The following ARMC12 variants were observed in gnomAD, a reference collection of about 807,000 sequenced individuals.
ARMC12 encodes the protein armadillo repeat-containing protein 12.
A neutral mutation model predicts 37.4 loss-of-function variants in ARMC12; 25 were observed. The observed-to-expected ratio is 0.67, with a 90% CI of 0.49 to 0.93. ARMC12 has a LOEUF of 0.93. Among genes scored for constraint, ARMC12 ranks in the 40% least tolerant of loss-of-function variants. The pLI, the probability that ARMC12 is intolerant of heterozygous loss-of-function variation, is 0.00. For synonymous variants in ARMC12, 167 were observed against 176.1 expected, an observed-to-expected ratio of 0.95 and a Z score of 0.41; for missense variants, 384 against 426.6, an observed-to-expected ratio of 0.90 and a Z score of 0.88.
Position 35,737,490 on chromosome 6 carries a change from C to G in ARMC12, c.163+219C>G, listed in dbSNP as rs936639708. The G allele has an allele frequency of 9.6e-6, 13 of 1,358,396 alleles. No individual in the cohort carries two copies. In the African/African-American group the frequency reaches 1.6e-4, roughly 17 times the overall value. 84.1% of individuals were successfully genotyped at this position (1,358,396 alleles called of 1,614,324 possible). On this transcript the variant is annotated intron_variant, in intron 1 of 5. Coordinates refer to ENST00000373866, the MANE Select transcript of ARMC12 (RefSeq NM_001286574.2). ...GATCTCACTCAAGTGGATCCTCAGA[C>G]TCATCTGGCAGGTCTCCAAATACTA...
upstream of ARMC12, among the ~76,000 whole-genome samples, chr6:35,734,911 A>C (rs1043498639): frequency 7.9e-5 from 12 of 152,060 alleles, no homozygotes; most frequent in African/African-American, 2.7e-4. Context: ...TTTTTGTTGT[A>C]CTGTGGACTA....
chr6:35,736,791 A>G (rs374287457), upstream of ARMC12: 40 of 333,366 alleles, frequency 1.2e-4, no homozygotes, highest in East Asian at 2.1e-3. Context: ...TGTATTTTTA[A>G]TAGAGACAAG....
In ARMC12 at chr6:35,737,179, G is replaced by A. The variant is rs752806580; in HGVS notation, c.71G>A (p.Gly24Asp). 1.9e-6 allele frequency: 3 copies of A among 1,614,240 alleles called. No individual in the cohort carries two copies. In the South Asian group the frequency reaches 3.3e-5, roughly 18 times the overall value. ...IRKSVVSLAT[G>D]AGAIYLLYKA... ...AAAAGCGTAGTCAGCCTGGCCACAG[G>A]CGCCGGGGCGATCTACCTGCTCTAC... Residue 24 changes from glycine (G) to aspartate (D), a missense_variant, in exon 1 of 6, where the codon GGC becomes GAC. By Grantham distance (94) the Gly-to-Asp change is moderately conservative. Transcript: ENST00000373866.
At chr6:35,737,352 G>A in intron 1 of ARMC12, 81 bp downstream of exon 1, 2 of 1,614,052 alleles carry the variant, frequency 1.2e-6, no homozygotes, top group Non-Finnish European at 1.7e-6. Context: ...AGGGCCCAAA[G>A]GTGATGCCTC....
Position 35,749,002 on chromosome 6 carries a change from A to G in ARMC12, c.*132A>G. 1 of 884,600 alleles carries G rather than the reference A, an allele frequency of 1.1e-6. No homozygotes were observed. The highest frequency in any genetic ancestry group is 1.9e-5 in the South Asian group (1 of 52,968). The allele number at this position is 884,600 out of a possible 1,614,324, so 54.8% of individuals were successfully genotyped here. The stretch of plus-strand genomic sequence containing the variant: ...TAACCTCTGCTCCAGAGTGTGGTAC[A>G]GCATGGGCTTATCTCTCAAAACACA... On this transcript the variant is annotated 3_prime_UTR_variant, in exon 6 of 6. Transcript: ENST00000373866.
intron 3 of ARMC12, 122 bp from the exon 4 acceptor site, chr6:35,747,139 G>A: frequency 9.5e-7 from 1 of 1,056,504 alleles, no homozygotes; most frequent in Non-Finnish European, 1.3e-6. Context: ...TGAGAGTTAG[G>A]GAGAATTGTC....
At chr6:35,738,281 A>T in intron 2 of ARMC12, 103 bp from the exon 3 acceptor site, 2 of 485,836 alleles carry the variant, frequency 4.1e-6, no homozygotes, top group Non-Finnish European at 6.0e-6. Flanking sequence ...TCTGGCTGAT[A>T]GCGGTGGGGG....
Position 35,738,375 on chromosome 6 carries a change from A to G in ARMC12, c.310-9A>G, listed in dbSNP as rs761392218. On this transcript the variant is annotated splice_polypyrimidine_tract_variant and intron_variant, in intron 2 of 5. Transcript: ENST00000373866. ...CTCCTGCCTCTTCCATCTCTCCCCA[A>G]TACTCCAGGCCTCTGCTTGTACTAC... The G allele has an allele frequency of 8.7e-6, 14 of 1,612,406 alleles. No homozygotes were observed. Among genetic ancestry groups the G allele is most frequent in the Admixed American group, 1.7e-5 (1 of 59,814 alleles).
Position 35,738,771 on chromosome 6 carries a change from C to G in ARMC12, c.444+253C>G, listed in dbSNP as rs1316257890. On this transcript the variant is annotated intron_variant, in intron 3 of 5. Transcript: ENST00000373866. The stretch of plus-strand genomic sequence containing the variant: ...AAGGACCCCCACTACCCCACAAGCT[C>G]CCTACCACTGCCACGTTTTTTCTGA... 3.9e-5 allele frequency among the ~76,000 whole-genome samples: 6 copies of G among 152,256 alleles called. No homozygotes were observed. In the East Asian group the frequency reaches 1.2e-3, roughly 29 times the overall value.
chr6:35,734,264 A>G (rs1485760132), upstream of ARMC12, among the ~76,000 whole-genome samples: 1 of 152,062 alleles, frequency 6.6e-6, no homozygotes, highest in Non-Finnish European at 1.5e-5. Context: ...GGTTCAGGCA[A>G]TCCTACCGCC....
Position 35,738,053 on chromosome 6 carries a change from G to A in ARMC12, c.190G>A (p.Gly64Arg), listed in dbSNP as rs1456292340. 3.1e-6 allele frequency: 5 copies of A among 1,613,836 alleles called. No homozygotes were observed. The highest frequency in any genetic ancestry group is 2.2e-5 in the East Asian group (1 of 44,878). Residue 64 changes from glycine to arginine, a missense_variant, in exon 2 of 6, where the codon GGG (glycine) becomes AGG (arginine). Transcript: ENST00000373866. ...CCTGGCAGTCGAGCGAGAGCGGCAC[G>A]GGCGGGACTCAGGTGAGCTCCGGAG... ...ARLAVERERH[G>R]RDSGELRRLL...
At chr6:35,745,773 C>T (rs548386485) in intron 3 of ARMC12, among the ~76,000 whole-genome samples, 11 of 152,278 alleles carry the variant, frequency 7.2e-5, no homozygotes, top group East Asian at 1.9e-4. Flanking sequence ...AGGCCGGGCG[C>T]GGAGGCTCAG....
chr6:35,732,540 G>A (rs1479533411), upstream of ARMC12, among the ~76,000 whole-genome samples: 1 of 152,212 alleles, frequency 6.6e-6, no homozygotes, highest in Non-Finnish European at 1.5e-5. Flanking sequence ...TTAGGGTAGG[G>A]TAATTTCCCC....
chr6:35,747,279 C>T lies in ARMC12; in HGVS notation c.463C>T (p.Leu155Phe), dbSNP rs748483610. ...LKIQEHSIKV[L>F]ELISTIWDTE... ...ACTCCAGGAACACTCCATCAAAGTACTCGAACTGATCTCCACCATCTGGGA... is the reference window on the plus strand; with the variant it reads ...ACTCCAGGAACACTCCATCAAAGTATTCGAACTGATCTCCACCATCTGGGA... Residue 155 changes from leucine (L) to phenylalanine (F), a missense_variant, in exon 4 of 6, where the codon CTC becomes TTC. Physicochemically the swap from Leu to Phe is conservative, Grantham distance 22. Transcript: ENST00000373866. The T allele has an allele frequency of 1.2e-6, 2 of 1,612,388 alleles. No homozygotes were observed. Among genetic ancestry groups the T allele is most frequent in the East Asian group, 4.5e-5 (2 of 44,864 alleles).
chr6:35,743,503 C>T (rs1767241360), intron 3 of ARMC12, among the ~76,000 whole-genome samples: 1 of 152,204 alleles, frequency 6.6e-6, no homozygotes, highest in African/African-American at 2.4e-5. Context: ...AAGGCGTGAG[C>T]CACTGCGTCC....
upstream of ARMC12, among the ~76,000 whole-genome samples, chr6:35,734,873 A>T (rs1227210391): frequency 6.6e-6 from 1 of 152,210 alleles, no homozygotes; most frequent in Non-Finnish European, 1.5e-5. Context: ...CTTTATGCCA[A>T]CAAATAGACA....
At chr6:35,736,305 C>T (rs1481401165), upstream of ARMC12, among the ~76,000 whole-genome samples, 1 of 152,114 alleles carries the variant, frequency 6.6e-6, no homozygotes, top group African/African-American at 2.4e-5. Flanking sequence ...GGAGGGAACC[C>T]TACCTGAAGA....
chr6:35,747,724 A>G, intron 5 of ARMC12, 77 bp downstream of exon 5: 1 of 1,444,276 alleles, frequency 6.9e-7, no homozygotes, highest in East Asian at 2.3e-5. Flanking sequence ...GCATCTCCAG[A>G]CAGATTTACC....
Position 35,749,039 on chromosome 6 carries a change from A to G in ARMC12, c.*169A>G, listed in dbSNP as rs115869154. 0.012 allele frequency: 7,274 copies of G among 602,504 alleles called. 317 individuals carry two copies. Among genetic ancestry groups the G allele is most frequent in the African/African-American group, 0.1 (5,197 of 51,978 alleles). 37.3% of individuals were successfully genotyped at this position (602,504 alleles called of 1,614,324 possible). On this transcript the variant is annotated 3_prime_UTR_variant, in exon 6 of 6. Transcript: ENST00000373866. ...TCTCTCAAAACACATCCCCACTTCTATGTTTGGGGGACTAGCTCCCCTCTT... is the reference window on the plus strand; with the variant it reads ...TCTCTCAAAACACATCCCCACTTCTGTGTTTGGGGGACTAGCTCCCCTCTT...
Sources: gnomAD v4.1 joint callset for allele counts (sites outside exome capture counted in the v4.1 genomes callset) on GRCh38, gnomAD v4.1.1 for gene constraint, MANE v1.5 for transcripts, NCBI Gene and HGNC (gene_info 2026-07-23, HGNC 2026-07-21) for gene names.